Variants in LHPP observed in about 807,000 individuals in gnomAD.
LHPP encodes the protein phospholysine phosphohistidine inorganic pyrophosphate phosphatase, also known as hLHPP.
Under a neutral mutation model 30.3 loss-of-function variants are expected in LHPP, and 24 were observed. That is an observed-to-expected ratio of 0.79 (90% confidence interval 0.57 to 1.11). The LOEUF (loss-of-function observed/expected upper bound fraction) is 1.11. Among genes scored for constraint, LHPP ranks in the 50% most tolerant of loss-of-function variants. LHPP has a pLI of 0.00. For synonymous variants in LHPP, 150 were observed against 157.1 expected (o/e 0.95, Z 0.34); for missense variants, 356 against 367.2 (o/e 0.97, Z 0.25).
intron 6 of LHPP, among the ~76,000 whole-genome samples, chr10:124,584,250 A>G (rs1015144619): frequency 2.6e-5 from 4 of 151,726 alleles, no homozygotes; most frequent in African/African-American, 9.7e-5. Context: ...CTGTAGTCTC[A>G]GCTACTCAGG....
chr10:124,570,304 C>T (rs1210991574), intron 6 of LHPP, among the ~76,000 whole-genome samples: 1 of 152,166 alleles, frequency 6.6e-6, no homozygotes, highest in Non-Finnish European at 1.5e-5. Flanking sequence ...AATTTGGGTC[C>T]CTCTGGTTTA....
At chr10:124,554,020 A>G (rs1948240194) in intron 6 of LHPP, 1 of 985,284 alleles carries the variant, frequency 1.0e-6, no homozygotes, top group Non-Finnish European at 1.2e-6. Flanking sequence ...CTTCTTCGAG[A>G]GACTCCACTG....
At chr10:124,561,527 G>GCC (rs201382794) in intron 6 of LHPP, among the ~76,000 whole-genome samples, 5 of 151,246 alleles carry the variant, frequency 3.3e-5, no homozygotes, top group African/African-American at 1.2e-4. Flanking sequence ...AAGGCTATCC[G>GCC]CCCCCCCCAC....
chr10:124,554,356 C>T (rs944182536), intron 6 of LHPP, among the ~76,000 whole-genome samples: 1 of 152,138 alleles, frequency 6.6e-6, no homozygotes, highest in African/African-American at 2.4e-5. Context: ...TGCACCACCA[C>T]ACCGGCTAGT....
chr10:124,501,556 C>T (rs1366264361), intron 5 of LHPP, among the ~76,000 whole-genome samples: 2 of 146,060 alleles, frequency 1.4e-5, no homozygotes, highest in Non-Finnish European at 3.0e-5. Flanking sequence ...GAGCCGAGAT[C>T]GTGCAACTGT....
intron 5 of LHPP, among the ~76,000 whole-genome samples, chr10:124,508,606 A>G (rs545463449): frequency 9.4e-4 from 139 of 147,300 alleles, no homozygotes; most frequent in African/African-American, 3.4e-3. Flanking sequence ...TTTTTTTTTA[A>G]GTAGATTTTA....
In LHPP at chr10:124,517,096, T is replaced by C. The variant is rs1954476083; in HGVS notation, c.625-84T>C. The C allele has an allele frequency of 1.2e-6, 1 of 829,044 alleles. No homozygotes were observed. The highest frequency in any genetic ancestry group is 1.9e-6 in the Non-Finnish European group (1 of 533,088). The allele number at this position is 829,044 out of a possible 1,614,324, so 51.4% of individuals were successfully genotyped here. A position where few individuals can be genotyped will look rare whatever the true frequency, so the allele number is the denominator to read the frequency against. On this transcript the variant is annotated intron_variant, in intron 5 of 6. Transcript: ENST00000368842. The surrounding 1 kb of genome is among the most constrained non-coding windows in gnomAD (Gnocchi z 4.1). ...TGGTTGTAAACATCAAATCAAGCCA[T>C]TTATTATGTCAAAAAAAGATGAAGG...
intron 1 of LHPP, among the ~76,000 whole-genome samples, chr10:124,477,069 G>A (rs1485296099): frequency 6.6e-6 from 1 of 152,192 alleles, no homozygotes; most frequent in Admixed American, 6.5e-5. Flanking sequence ...TGTGCATGGT[G>A]GCACGCGCCT....
chr10:124,550,353 C>T (rs906686512), intron 6 of LHPP, among the ~76,000 whole-genome samples: 4 of 152,240 alleles, frequency 2.6e-5, no homozygotes, highest in African/African-American at 7.2e-5. Flanking sequence ...CCTTCTCCCC[C>T]GACACAAGGC....
chr10:124,468,730 A>G (rs1474531515), intron 1 of LHPP, among the ~76,000 whole-genome samples: 1 of 152,168 alleles, frequency 6.6e-6, no homozygotes, highest in East Asian at 1.9e-4. Context: ...AGACCTTGGC[A>G]GGGCCCCCTT....
chr10:124,485,903 A>G (rs1014375482), intron 2 of LHPP, among the ~76,000 whole-genome samples: 2 of 152,098 alleles, frequency 1.3e-5, no homozygotes, highest in Admixed American at 6.6e-5. Context: ...CTCCGGTCTT[A>G]CTTGGCATAG....
At chr10:124,553,318 G>A (rs1564827036) in intron 6 of LHPP, among the ~76,000 whole-genome samples, 3 of 152,290 alleles carry the variant, frequency 2.0e-5, no homozygotes, top group South Asian at 4.1e-4. Flanking sequence ...GGGTTCTCAT[G>A]TGGGGAGCAT....
At chr10:124,535,404 C>T (rs1172194627) in intron 6 of LHPP, among the ~76,000 whole-genome samples, 1 of 152,046 alleles carries the variant, frequency 6.6e-6, no homozygotes, top group Non-Finnish European at 1.5e-5. Flanking sequence ...CTGTGGTTTG[C>T]TTTTATTTTA....
chr10:124,516,749 A>G (rs950111205), intron 5 of LHPP, among the ~76,000 whole-genome samples: 3 of 152,200 alleles, frequency 2.0e-5, no homozygotes, highest in African/African-American at 7.2e-5. Context: ...CATTGAAAGC[A>G]AAACCTATAT....
rs1250041517 is a variant in LHPP, at chr10:124,590,650, T to G, written c.717-22614T>G. Among the ~76,000 whole-genome samples, 1 of 152,172 alleles carries G rather than the reference T, an allele frequency of 6.6e-6. No individual in the cohort carries two copies. Among genetic ancestry groups the G allele is most frequent in the Non-Finnish European group, 1.5e-5 (1 of 68,028 alleles). On this transcript the variant is annotated intron_variant, in intron 6 of 6. Transcript: ENST00000368842. The surrounding 1 kb of genome is among the most constrained non-coding windows in gnomAD (Gnocchi z 4.3). ...TCTCCCCACCCGCACAGTGTACCTG[T>G]CCCACAGTGGCACCAACAAGGCTCA...
chr10:124,489,292 C>A (rs143740462), intron 3 of LHPP, among the ~76,000 whole-genome samples: 23 of 152,268 alleles, frequency 1.5e-4, no homozygotes, highest in African/African-American at 5.3e-4. Context: ...GCTTCCTGTG[C>A]GAATAGACTA....
At chr10:124,467,213 G>C (rs1366524433) in intron 1 of LHPP, among the ~76,000 whole-genome samples, 1 of 152,140 alleles carries the variant, frequency 6.6e-6, no homozygotes, top group African/African-American at 2.4e-5. Flanking sequence ...CAGGAGGTGG[G>C]GGGGCTTGGA....
At chr10:124,497,615 C>T (rs964057098) in intron 4 of LHPP, among the ~76,000 whole-genome samples, 1 of 152,236 alleles carries the variant, frequency 6.6e-6, no homozygotes, top group Non-Finnish European at 1.5e-5. Context: ...CTCCTGCCTG[C>T]CTGCCGTCAG....
chr10:124,514,264 G>A (rs1954390453), intron 5 of LHPP, among the ~76,000 whole-genome samples: 1 of 152,220 alleles, frequency 6.6e-6, no homozygotes, highest in Admixed American at 6.5e-5. Flanking sequence ...AGGTGAGCAG[G>A]CAGAAGGTCA....
Sources: allele counts gnomAD v4.1 joint callset (sites outside exome capture counted in the v4.1 genomes callset), GRCh38; gene constraint gnomAD v4.1.1; non-coding constraint Gnocchi (gnomAD v3.1); transcripts MANE v1.5; gene names NCBI Gene and HGNC (gene_info 2026-07-23, HGNC 2026-07-21).